The following CD163L1 variants were observed in gnomAD, a reference collection of about 807,000 sequenced individuals.
CD163L1 encodes scavenger receptor cysteine-rich type 1 protein M160.
Under a neutral mutation model 165.4 loss-of-function variants are expected in CD163L1, and 124 were observed. The ratio of observed to expected loss-of-function variants is 0.75; its 90% CI spans 0.65 to 0.87. The LOEUF (loss-of-function observed/expected upper bound fraction) is 0.87. Among genes scored for constraint, CD163L1 ranks in the 40% least tolerant of loss-of-function variants. The pLI is 0.00. For missense variants in CD163L1, 1,525 were observed against 1,799.9 expected, an observed-to-expected ratio of 0.85 and a Z score of 2.76; for synonymous variants, 585 against 662.2, an observed-to-expected ratio of 0.88 and a Z score of 1.79.
Position 7,432,269 on chromosome 12 carries a change from C to T in CD163L1, c.766+147G>A. The T allele has an allele frequency of 1.6e-6, 1 of 635,964 alleles. No homozygotes were observed. Among genetic ancestry groups the T allele is most frequent in the Non-Finnish European group, 2.7e-6 (1 of 371,308 alleles). 39.4% of individuals were successfully genotyped at this position (635,964 alleles called of 1,614,324 possible). On this transcript the variant is annotated intron_variant, in intron 4 of 19. Transcript: ENST00000313599. This position sits in a 1 kb window ranked among gnomAD's most constrained non-coding sequence, Gnocchi z 4.2. The stretch of plus-strand genomic sequence containing the variant: ...GTTTTAGGAAGAGTGTTTAGGAAAA[C>T]TCCAGAATGGAGCAATTTCAGGGTA...
intron 8 of CD163L1, among the ~76,000 whole-genome samples, chr12:7,390,389 TGAG>T (rs1243962954): frequency 1.3e-5 from 2 of 152,074 alleles, no homozygotes; most frequent in East Asian, 1.9e-4. Context: ...GAGAAATATT[TGAG>T]GAGAAGGATA....
downstream of CD163L1, among the ~76,000 whole-genome samples, chr12:7,345,329 G>A (rs935020632): frequency 6.6e-6 from 1 of 152,158 alleles, no homozygotes; most frequent in East Asian, 1.9e-4. Flanking sequence ...GATGCCTTAA[G>A]TCATCACTTA....
intron 18 of CD163L1, among the ~76,000 whole-genome samples, chr12:7,362,170 T>C (rs1946906423): frequency 6.8e-6 from 1 of 146,254 alleles, no homozygotes; most frequent in Admixed American, 6.9e-5. Flanking sequence ...TATTATATAT[T>C]ACTTATATAA....
chr12:7,432,375 C>T lies in CD163L1; in HGVS notation c.766+41G>A. 6.9e-7 allele frequency: 1 copy of T among 1,456,984 alleles called. No homozygotes were observed. Among genetic ancestry groups the T allele is most frequent in the East Asian group, 2.3e-5 (1 of 44,002 alleles). 90.3% of individuals were successfully genotyped at this position (1,456,984 alleles called of 1,614,324 possible). A position where few individuals can be genotyped will look rare whatever the true frequency, so the allele number is the denominator to read the frequency against. On this transcript the variant is annotated intron_variant, in intron 4 of 19. Transcript: ENST00000313599. The surrounding 1 kb of genome is among the most constrained non-coding windows in gnomAD (Gnocchi z 4.2). ...TCTTTCCATACATACTGTTTCTAAA[C>T]AAATTGTTCCTTTCTTCTACATGAT...
chr12:7,351,537 T>C (rs561551170), downstream of CD163L1, among the ~76,000 whole-genome samples: 103 of 152,246 alleles, frequency 6.8e-4, 1 homozygote, highest in South Asian at 0.021. Context: ...TCCCACCCTA[T>C]GATCCCATTT....
intron 4 of CD163L1, among the ~76,000 whole-genome samples, chr12:7,427,136 G>A (rs1224279877): frequency 6.6e-6 from 1 of 151,988 alleles, no homozygotes; most frequent in Non-Finnish European, 1.5e-5. Flanking sequence ...AAAATGGACA[G>A]ATAATTCAAA....
Position 7,368,269 on chromosome 12 carries a change from A to G in CD163L1, c.4073-72T>C, listed in dbSNP as rs1277826978. On this transcript the variant is annotated intron_variant, in intron 16 of 19. Coordinates refer to ENST00000313599, the MANE Select transcript of CD163L1 (RefSeq NM_174941.6). The surrounding 1 kb of genome is among the most constrained non-coding windows in gnomAD (Gnocchi z 4.3). ...ATTGTGGGTTTATACATTGTAAAAAAAACTGGTTCCCTAGTTGCTGAGAAG... is the reference window on the plus strand; with the variant it reads ...ATTGTGGGTTTATACATTGTAAAAAGAACTGGTTCCCTAGTTGCTGAGAAG... 1 of 810,580 alleles carries G rather than the reference A, an allele frequency of 1.2e-6. No individual in the cohort carries two copies. The highest frequency in any genetic ancestry group is 2.0e-6 in the Non-Finnish European group (1 of 497,588). The allele number at this position is 810,580 out of a possible 1,614,324, so 50.2% of individuals were successfully genotyped here.
intron 18 of CD163L1, among the ~76,000 whole-genome samples, chr12:7,357,865 T>G (rs1284706005): frequency 6.6e-6 from 1 of 152,112 alleles, no homozygotes; most frequent in African/African-American, 2.4e-5. Context: ...TTGTTCCATT[T>G]TTGGCAGGAT....
intron 1 of CD163L1, among the ~76,000 whole-genome samples, chr12:7,441,729 A>T (rs1948833808): frequency 6.6e-6 from 1 of 152,198 alleles, no homozygotes; most frequent in Non-Finnish European, 1.5e-5. Flanking sequence ...TCTTGCCTGT[A>T]TTCCACTCAG....
At chr12:7,406,297 GT>G (rs2136531022) in intron 5 of CD163L1, among the ~76,000 whole-genome samples, 1 of 152,276 alleles carries the variant, frequency 6.6e-6, no homozygotes, top group East Asian at 1.9e-4. Flanking sequence ...AAAATGGTGT[GT>G]TGGGGGTGGG....
intron 11 of CD163L1, 59 bp downstream of exon 11, chr12:7,375,222 T>C: frequency 6.5e-6 from 10 of 1,544,808 alleles, no homozygotes; most frequent in Non-Finnish European, 8.8e-6. Flanking sequence ...TAATCCCAAC[T>C]CCCTCTACCA....
At chr12:7,383,119 G>A (rs531108856) in intron 8 of CD163L1, among the ~76,000 whole-genome samples, 10 of 152,140 alleles carry the variant, frequency 6.6e-5, no homozygotes, top group South Asian at 2.1e-4. Context: ...TGGCTTGCCA[G>A]GATGCCATAC....
At chr12:7,349,460 G>C (rs1946693129) in intron 4 of CD163L1, among the ~76,000 whole-genome samples, 1 of 152,156 alleles carries the variant, frequency 6.6e-6, no homozygotes, top group Non-Finnish European at 1.5e-5. Context: ...GTTTTTGAAA[G>C]ATGAAGTTAA....
chr12:7,397,876 G>C (rs1947812330), intron 7 of CD163L1, among the ~76,000 whole-genome samples: 1 of 152,222 alleles, frequency 6.6e-6, no homozygotes, highest in Non-Finnish European at 1.5e-5. Flanking sequence ...GGGTCAGGGT[G>C]AATTTACTGA....
chr12:7,378,806 T>A (rs1296977472), intron 9 of CD163L1, among the ~76,000 whole-genome samples, 172 bp downstream of exon 9: 2 of 152,250 alleles, frequency 1.3e-5, no homozygotes, highest in African/African-American at 4.8e-5. Context: ...AACAGTTATT[T>A]AATTATATAT....
chr12:7,387,641 C>T (rs116562782), intron 8 of CD163L1, among the ~76,000 whole-genome samples: 2,219 of 152,262 alleles, frequency 0.015, 72 homozygotes, highest in African/African-American at 0.05. Context: ...GCTGGCTCCC[C>T]TTCCCCTTTT....
downstream of CD163L1, among the ~76,000 whole-genome samples, chr12:7,351,699 T>C (rs189556479): frequency 5.6e-4 from 86 of 152,296 alleles, 1 homozygote; most frequent in East Asian, 0.015. Context: ...ATTCAGATAT[T>C]GCTTTCTAAA....
intron 8 of CD163L1, among the ~76,000 whole-genome samples, chr12:7,387,893 C>T (rs1947555714): frequency 6.6e-6 from 1 of 152,156 alleles, no homozygotes; most frequent in Non-Finnish European, 1.5e-5. Context: ...TACAAAGCTA[C>T]AGTAACCAAA....
the CD163L1 span, among the ~76,000 whole-genome samples, chr12:7,341,237 T>C: frequency 6.6e-6 from 1 of 152,178 alleles, no homozygotes; most frequent in Non-Finnish European, 1.5e-5. Flanking sequence ...ATTTATTTTC[T>C]GTTTGTTATG....
Sources: gnomAD v4.1 joint callset for allele counts (sites outside exome capture counted in the v4.1 genomes callset) on GRCh38, gnomAD v4.1.1 for gene constraint, Gnocchi (gnomAD v3.1) non-coding constraint, MANE v1.5 for transcripts, NCBI Gene and HGNC (gene_info 2026-07-23, HGNC 2026-07-21) for gene names.